The following CCDC88A variants were observed in gnomAD, a reference collection of about 807,000 sequenced individuals.
CCDC88A encodes the protein girdin.
Under a neutral mutation model 234.3 loss-of-function variants are expected in CCDC88A, and 54 were observed. The ratio of observed to expected loss-of-function variants is 0.23; its 90% CI spans 0.19 to 0.29. CCDC88A has a LOEUF of 0.29. Among genes scored for constraint, CCDC88A ranks in the 10% least tolerant of loss-of-function variants. The pLI is 1.00. For synonymous variants in CCDC88A, 753 were observed against 737.8 expected, an observed-to-expected ratio of 1.02 and a Z score of -0.33; for missense variants, 1,832 against 2,123.4, an observed-to-expected ratio of 0.86 and a Z score of 2.70.
At chr2:55,407,969 C>T (rs1381029366) in intron 2 of CCDC88A, among the ~76,000 whole-genome samples, 4 of 151,864 alleles carry the variant, frequency 2.6e-5, no homozygotes, top group Non-Finnish European at 1.5e-5. Context: ...CCACCTGCCT[C>T]GGCCTCCCAA....
chr2:55,392,878 T>G (rs1676874685), intron 2 of CCDC88A, among the ~76,000 whole-genome samples: 1 of 152,160 alleles, frequency 6.6e-6, no homozygotes, highest in South Asian at 2.1e-4. Flanking sequence ...ATTTGTCTAT[T>G]TCTGTGTCAT....
chr2:55,342,681 C>A (rs1272711577), intron 12 of CCDC88A, among the ~76,000 whole-genome samples: 5 of 152,010 alleles, frequency 3.3e-5, no homozygotes, highest in Admixed American at 3.3e-4. Flanking sequence ...TACATGGGGC[C>A]CCAGAATTTG....
At chr2:55,367,996 A>G (rs903787609) in intron 5 of CCDC88A, among the ~76,000 whole-genome samples, 1 of 152,252 alleles carries the variant, frequency 6.6e-6, no homozygotes, top group Non-Finnish European at 1.5e-5. Context: ...TGAATTTCAC[A>G]TAGTCTTAGA....
intron 2 of CCDC88A, chr2:55,418,055 C>T (rs1330821411): frequency 6.6e-6 from 1 of 152,070 alleles, no homozygotes; most frequent in African/African-American, 2.4e-5. Context: ...TTTTACTGAT[C>T]CAGCTACCAA....
chr2:55,416,945 A>G (rs1304480979), intron 2 of CCDC88A: 1 of 151,770 alleles, frequency 6.6e-6, no homozygotes, highest in Non-Finnish European at 1.5e-5. Flanking sequence ...TTTATAGGTC[A>G]TTTACAACAG....
At chr2:55,343,968 G>C in intron 11 of CCDC88A, 176 bp from the exon 12 acceptor site, 1 of 484,290 alleles carries the variant, frequency 2.1e-6, no homozygotes. Context: ...TACTGATTAA[G>C]TGTCTGACAT....
Position 55,343,779 on chromosome 2 carries a change from T to C in CCDC88A, c.1202A>G (p.Asp401Gly), listed in dbSNP as rs750144880. Residue 401 changes from aspartate (D) to glycine (G), a missense_variant, in exon 12 of 33, where the codon GAT becomes GGT. By Grantham distance (94) the Asp-to-Gly change is moderately conservative (BLOSUM62 -1). Transcript: ENST00000436346. ...CATTAATTCTTCAATCTTTTTTCTA[T>C]CCATATCTCGTTCCTTTTTTATTGG... Reference protein sequence around the residue: ...LHDMEMERDMDRKKIEELMEE... With the variant: ...LHDMEMERDMGRKKIEELMEE... 6.2e-7 allele frequency: 1 copy of C among 1,608,826 alleles called. No homozygotes were observed. Among genetic ancestry groups the C allele is most frequent in the Admixed American group, 1.7e-5 (1 of 59,464 alleles).
chr2:55,316,704 C>T (rs11125563), intron 21 of CCDC88A, among the ~76,000 whole-genome samples: 110,284 of 152,068 alleles, frequency 0.73, 42,150 homozygotes, highest in Admixed American at 0.87. Context: ...TACTGAACTT[C>T]AGCTTGGGCA....
Position 55,355,348 on chromosome 2 carries a change from T to A in CCDC88A, c.800+231A>T. The A allele has an allele frequency of 7.5e-6, 3 of 398,912 alleles. No homozygotes were observed. In the South Asian group the frequency reaches 1.0e-4, roughly 13 times the overall value. The allele number at this position is 398,912 out of a possible 1,614,324, so 24.7% of individuals were successfully genotyped here. On this transcript the variant is annotated intron_variant, in intron 8 of 32. Transcript: ENST00000436346. ...TGCCAAATGAGGACATTATTTTATT[T>A]AAAAAAATACATACTAGAATGCTAG...
At chr2:55,326,716 G>A (rs144269030) in intron 17 of CCDC88A, among the ~76,000 whole-genome samples, 113 of 152,120 alleles carry the variant, frequency 7.4e-4, no homozygotes, top group African/African-American at 2.4e-3. Flanking sequence ...ACAGGTGCCC[G>A]CCACCACGCC....
intron 2 of CCDC88A, among the ~76,000 whole-genome samples, chr2:55,413,554 G>C (rs1490041448): frequency 1.3e-5 from 2 of 152,194 alleles, no homozygotes; most frequent in Non-Finnish European, 2.9e-5. Flanking sequence ...ACACATGGCT[G>C]TATTATTCAA....
At position 55,354,214 on chromosome 2, in the gene CCDC88A, C is replaced by G. The variant is rs528351810; in HGVS notation, c.800+1365G>C. On this transcript the variant is annotated intron_variant, in intron 8 of 32. Coordinates refer to ENST00000436346, the MANE Select transcript of CCDC88A (RefSeq NM_001365480.1). Reference sequence around the variant, plus strand: ...GGAGTGCAGTGGTGTGATCTTGACTCACTGCAACTTCCACCTCCTGGGTTC... The same window carrying G: ...GGAGTGCAGTGGTGTGATCTTGACTGACTGCAACTTCCACCTCCTGGGTTC... Among the ~76,000 whole-genome samples the G allele has an allele frequency of 2.8e-4, 43 of 150,950 alleles. No individual in the cohort carries two copies. The South Asian group carries it at 5.9e-3, about 21-fold the overall frequency.
Position 55,335,047 on chromosome 2 carries a change from G to A in CCDC88A, c.1774C>T (p.Leu592Phe). ...VKDIEKENKI[L>F]HESIKETSSK... ...CTTGTTTCTTTGATAGATTCATGAA[G>A]AATTTTGTTTTCTTTTTCAATGTCT... Residue 592 changes from leucine to phenylalanine, a missense_variant, in exon 15 of 33, where the codon CTT (leucine) becomes TTT (phenylalanine). By Grantham distance (22) the Leu-to-Phe change is conservative (BLOSUM62 0). Transcript: ENST00000436346. This position sits in a 1 kb window ranked among gnomAD's most constrained non-coding sequence, Gnocchi z 4.5. The A allele has an allele frequency of 6.2e-7, 1 of 1,611,180 alleles. No homozygotes were observed. The highest frequency in any genetic ancestry group is 8.5e-7 in the Non-Finnish European group (1 of 1,178,310).
chr2:55,341,334 G>A (rs1668465249), intron 12 of CCDC88A, among the ~76,000 whole-genome samples: 1 of 151,644 alleles, frequency 6.6e-6, no homozygotes, highest in African/African-American at 2.4e-5. Context: ...TTTCAGTAGA[G>A]ACGGGGTTTC....
rs1367866072 is a variant in CCDC88A at position 55,288,000 on chromosome 2, C to T, written c.*3200G>A. Reference sequence around the variant, plus strand: ...TCATGAGTTGGATGCCTGTGACTGACATCAGGTATTGCCAAGTAATAAACA... The same window carrying T: ...TCATGAGTTGGATGCCTGTGACTGATATCAGGTATTGCCAAGTAATAAACA... On this transcript the variant is annotated 3_prime_UTR_variant, in exon 33 of 33. Coordinates refer to ENST00000436346, the MANE Select transcript of CCDC88A (RefSeq NM_001365480.1). 6.6e-6 allele frequency: 1 copy of T among 152,582 alleles called. No homozygotes were observed. The highest frequency in any genetic ancestry group is 2.4e-5 in the African/African-American group (1 of 41,444). The allele number at this position is 152,582 out of a possible 1,614,324, so 9.5% of individuals were successfully genotyped here. A position where few individuals can be genotyped will look rare whatever the true frequency, so the allele number is the denominator to read the frequency against.
chr2:55,411,798 A>AAAAC lies in CCDC88A; in HGVS notation c.164+7017_164+7018insGTTT, dbSNP rs1553440801. On this transcript the variant is annotated intron_variant, in intron 2 of 32. Transcript: ENST00000436346. ...CCGTCTCAAAAAAAAAAAAAAAAAA[A>AAAAC]AAAAACTCAACATATTGGACAGGAA... 2.0e-3 allele frequency among the ~76,000 whole-genome samples: 241 copies of AAAAC among 120,554 alleles called. 11 individuals carry two copies. Among genetic ancestry groups the AAAAC allele is most frequent in the African/African-American group, 2.7e-3 (86 of 31,434 alleles). 79.1% of individuals were successfully genotyped at this position (120,554 alleles called of 152,430 possible).
intron 25 of CCDC88A, among the ~76,000 whole-genome samples, chr2:55,307,098 G>C (rs1474570271): frequency 6.6e-6 from 1 of 152,150 alleles, no homozygotes; most frequent in East Asian, 1.9e-4. Flanking sequence ...ATTAGTGATA[G>C]TGTGAGAGGA....
chr2:55,370,275 T>C (rs1302265271), intron 5 of CCDC88A, among the ~76,000 whole-genome samples: 2 of 152,090 alleles, frequency 1.3e-5, no homozygotes, highest in Non-Finnish European at 2.9e-5. Context: ...GATGTTAACA[T>C]AGGTTAGAAT....
At chr2:55,395,923 TAGTTACTTATAAAAA>T (rs1476075402) in intron 2 of CCDC88A, among the ~76,000 whole-genome samples, 1 of 152,204 alleles carries the variant, frequency 6.6e-6, no homozygotes, top group African/African-American at 2.4e-5. Flanking sequence ...CTACTAGAAC[TAGTTACTTATAAAAA>T]CAAGGAGACT....
Sources: gnomAD v4.1 joint callset for allele counts (sites outside exome capture counted in the v4.1 genomes callset) on GRCh38, gnomAD v4.1.1 for gene constraint, Gnocchi (gnomAD v3.1) non-coding constraint, MANE v1.5 for transcripts, NCBI Gene and HGNC (gene_info 2026-07-23, HGNC 2026-07-21) for gene names.